Variants in GNA14 observed in about 807,000 individuals in gnomAD.
GNA14 encodes the protein G protein subunit alpha 14, also known as guanine nucleotide-binding protein subunit alpha-14.
Under a neutral mutation model 42.0 loss-of-function variants are expected in GNA14, and 50 were observed. The observed-to-expected ratio is 1.19, with a 90% CI of 0.95 to 1.51. The LOEUF is 1.51. GNA14 is among the 40% of genes most tolerant of loss of function. GNA14 has a pLI of 0.00. For synonymous variants in GNA14, 173 were observed against 163.1 expected (o/e 1.06, Z -0.46); for missense variants, 473 against 446.2 (o/e 1.06, Z -0.54).
chr9:77,530,925 A>C (rs569683606), intron 1 of GNA14, among the ~76,000 whole-genome samples: 1 of 152,380 alleles, frequency 6.6e-6, no homozygotes, highest in South Asian at 2.1e-4. Flanking sequence ...GGTTGGGTGC[A>C]GATGCAGAAT....
chr9:77,646,435 CA>C (rs1273458813), intron 1 of GNA14, among the ~76,000 whole-genome samples: 10 of 146,868 alleles, frequency 6.8e-5, no homozygotes, highest in African/African-American at 2.5e-4. Flanking sequence ...GGGAGGGGCA[CA>C]CCCCCCCCCA....
At chr9:77,488,313 G>A (rs1328086001) in intron 2 of GNA14, among the ~76,000 whole-genome samples, 2 of 152,190 alleles carry the variant, frequency 1.3e-5, no homozygotes, top group Admixed American at 1.3e-4. Flanking sequence ...ACACTGGAAA[G>A]AGTAAAATCA....
intron 1 of GNA14, among the ~76,000 whole-genome samples, chr9:77,607,903 A>G (rs1265769146): frequency 6.6e-6 from 1 of 152,106 alleles, no homozygotes; most frequent in Non-Finnish European, 1.5e-5. Context: ...ACTTAACCCT[A>G]ATTACTTCCT....
At chr9:77,565,342 T>G (rs1310575528) in intron 1 of GNA14, among the ~76,000 whole-genome samples, 1 of 152,230 alleles carries the variant, frequency 6.6e-6, no homozygotes, top group Non-Finnish European at 1.5e-5. Flanking sequence ...GAAAATAATG[T>G]AAAATGCCTT....
At chr9:77,608,069 C>T (rs1823667470) in intron 1 of GNA14, among the ~76,000 whole-genome samples, 1 of 152,106 alleles carries the variant, frequency 6.6e-6, no homozygotes. Flanking sequence ...CACAAAAAGC[C>T]TTGGGGGCAA....
intron 2 of GNA14, among the ~76,000 whole-genome samples, chr9:77,495,223 T>C (rs1469426254): frequency 6.6e-6 from 1 of 152,022 alleles, no homozygotes; most frequent in Non-Finnish European, 1.5e-5. Flanking sequence ...ACACAGCGAA[T>C]GGGCTGCCTT....
Position 77,552,902 on chromosome 9 carries a change from G to T in GNA14, c.125-23649C>A, listed in dbSNP as rs1196931878. ...GCAGCAGAAACTGTGCCAACCAACA[G>T]AACACTGTACTGCAGGCTGCCAGGA... On this transcript the variant is annotated intron_variant, in intron 1 of 6. Coordinates refer to ENST00000341700, the MANE Select transcript of GNA14 (RefSeq NM_004297.4). 3.9e-5 allele frequency among the ~76,000 whole-genome samples: 6 copies of T among 152,160 alleles called. 1 individual carries two copies. The highest frequency in any genetic ancestry group is 1.4e-4 in the African/African-American group (6 of 41,432).
chr9:77,551,349 G>A (rs1280923548), intron 1 of GNA14, among the ~76,000 whole-genome samples: 1 of 152,060 alleles, frequency 6.6e-6, no homozygotes, highest in Non-Finnish European at 1.5e-5. Context: ...GATAAGCAGG[G>A]TCTTTAGACT....
intron 2 of GNA14, among the ~76,000 whole-genome samples, chr9:77,454,011 G>A (rs561649149): frequency 1.3e-4 from 20 of 152,318 alleles, no homozygotes; most frequent in African/African-American, 4.8e-4. Flanking sequence ...TCATGATTCA[G>A]TATCTCTTCT....
intron 5 of GNA14, among the ~76,000 whole-genome samples, chr9:77,427,350 G>A (rs1835469935): frequency 1.3e-5 from 2 of 150,668 alleles, no homozygotes; most frequent in Admixed American, 1.3e-4. Flanking sequence ...ATCTCCAACT[G>A]AGAGGGCTGG....
rs759758045 is a variant in GNA14 at position 77,647,842 on chromosome 9, G to A, written c.-49C>T. ...CGGGGCGACGCGGCCCCGGGCACCC[G>A]AATCCTCGGCCCGGCCGCTCACCCG... On this transcript the variant is annotated 5_prime_UTR_variant, in exon 1 of 7. Transcript: ENST00000341700. 7 of 1,578,670 alleles carry A rather than the reference G, an allele frequency of 4.4e-6. No individual in the cohort carries two copies. Among genetic ancestry groups the A allele is most frequent in the Non-Finnish European group, 6.0e-6 (7 of 1,167,340 alleles).
At chr9:77,496,903 C>T (rs962006303) in intron 2 of GNA14, among the ~76,000 whole-genome samples, 1 of 152,142 alleles carries the variant, frequency 6.6e-6, no homozygotes, top group East Asian at 1.9e-4. Flanking sequence ...CTTTTGTACC[C>T]ATTATCCTGC....
At chr9:77,499,133 G>C (rs949687020) in intron 2 of GNA14, among the ~76,000 whole-genome samples, 1 of 152,206 alleles carries the variant, frequency 6.6e-6, no homozygotes, top group Non-Finnish European at 1.5e-5. Flanking sequence ...GAAAGGCTAA[G>C]TAATTTAGCC....
At chr9:77,620,003 TC>T (rs1194547300) in intron 1 of GNA14, among the ~76,000 whole-genome samples, 1 of 151,978 alleles carries the variant, frequency 6.6e-6, no homozygotes, top group African/African-American at 2.4e-5. Flanking sequence ...TATAAAGAAA[TC>T]TATTTCTACC....
intron 2 of GNA14, among the ~76,000 whole-genome samples, chr9:77,511,424 G>A (rs114304669): frequency 0.011 from 1,612 of 152,270 alleles, 40 homozygotes; most frequent in African/African-American, 0.036. Flanking sequence ...AAAGGCTCTA[G>A]GGATGAGGCC....
chr9:77,467,278 G>A (rs369623288), intron 2 of GNA14, among the ~76,000 whole-genome samples: 2 of 151,840 alleles, frequency 1.3e-5, no homozygotes, highest in South Asian at 4.2e-4. Flanking sequence ...TTTGCTCTGA[G>A]GTCATGCTTA....
chr9:77,484,152 A>T (rs1419439485), intron 2 of GNA14, among the ~76,000 whole-genome samples: 1 of 152,222 alleles, frequency 6.6e-6, no homozygotes, highest in East Asian at 1.9e-4. Context: ...AGGTAAAGGG[A>T]AGTGTCATAA....
intron 1 of GNA14, among the ~76,000 whole-genome samples, chr9:77,534,209 C>G (rs1837566124): frequency 6.6e-6 from 1 of 152,220 alleles, no homozygotes; most frequent in African/African-American, 2.4e-5. Context: ...AAATAATACA[C>G]ATGAATTATC....
chr9:77,584,553 A>G (rs1412546730), intron 1 of GNA14, among the ~76,000 whole-genome samples: 1 of 138,782 alleles, frequency 7.2e-6, no homozygotes, highest in Non-Finnish European at 1.5e-5. Flanking sequence ...CTGAAGTGGT[A>G]GCAGGAAGAG....
Sources: gnomAD v4.1 joint callset for allele counts (sites outside exome capture counted in the v4.1 genomes callset) on GRCh38, gnomAD v4.1.1 for gene constraint, MANE v1.5 for transcripts, NCBI Gene and HGNC (gene_info 2026-07-23, HGNC 2026-07-21) for gene names.